SERGEF: variants seen among roughly 807,000 people sequenced by gnomAD.
SERGEF encodes the protein secretion regulating guanine nucleotide exchange factor, also known as secretion-regulating guanine nucleotide exchange factor.
SERGEF carries 51 observed loss-of-function variants against 50.0 expected under a neutral mutation model. The ratio of observed to expected loss-of-function variants is 1.02; its 90% CI spans 0.81 to 1.29. The LOEUF (loss-of-function observed/expected upper bound fraction) is 1.29, where lower values mean the gene tolerates loss of function less well. SERGEF is among the 50% of genes most tolerant of loss of function. The pLI is 0.00. For synonymous variants in SERGEF, 205 were observed against 212.4 expected, an observed-to-expected ratio of 0.97 and a Z score of 0.30; for missense variants, 521 against 557.0, an observed-to-expected ratio of 0.94 and a Z score of 0.65.
intron 9 of SERGEF, among the ~76,000 whole-genome samples, chr11:17,924,604 G>A (rs1852216090): frequency 6.7e-6 from 1 of 149,678 alleles, no homozygotes; most frequent in Non-Finnish European, 1.5e-5. Flanking sequence ...AGTGTGGAGG[G>A]TAGAAAAAAG....
At chr11:17,863,964 C>T (rs1174584020) in intron 10 of SERGEF, among the ~76,000 whole-genome samples, 1 of 152,184 alleles carries the variant, frequency 6.6e-6, no homozygotes, top group East Asian at 1.9e-4. Flanking sequence ...ATTGTCTAGT[C>T]CAGCTCCCAC....
At position 17,959,570 on chromosome 11, in the gene SERGEF, T is replaced by C. The variant is rs553951323; in HGVS notation, c.911A>G (p.Tyr304Cys). The change falls in exon 9 of 11, where the codon TAT (tyrosine) becomes TGT (cysteine). Residue 304 changes from tyrosine to cysteine, a missense_variant. Transcript: ENST00000265965. ...TTGCTTTTCTAGTTTCCAGCCTTCA[T>C]AAGTCTCCAACTTCCTCCCTAGCTG... ...YGQLGRKLET[Y>C]EGWKLEKQDS... 4 of 1,614,190 alleles carry C rather than the reference T, an allele frequency of 2.5e-6. No homozygotes were observed. The South Asian group carries it at 3.3e-5, about 13-fold the overall frequency.
At chr11:17,851,754 G>T (rs1033153320) in intron 10 of SERGEF, among the ~76,000 whole-genome samples, 7 of 152,198 alleles carry the variant, frequency 4.6e-5, no homozygotes, top group African/African-American at 1.7e-4. Flanking sequence ...CATTATTGCA[G>T]ATTTTTAAGC....
At chr11:17,817,281 C>G (rs1453965651) in intron 10 of SERGEF, among the ~76,000 whole-genome samples, 1 of 148,548 alleles carries the variant, frequency 6.7e-6, no homozygotes, top group African/African-American at 2.5e-5. Context: ...GTGGCGCGAT[C>G]TTGGCTCACT....
chr11:17,958,158 G>C (rs373951764), intron 9 of SERGEF, among the ~76,000 whole-genome samples: 1 of 152,222 alleles, frequency 6.6e-6, no homozygotes, highest in African/African-American at 2.4e-5. Flanking sequence ...ACCAGGGCTG[G>C]GATGTTAAAG....
chr11:17,955,046 T>C (rs1852838486), intron 9 of SERGEF, among the ~76,000 whole-genome samples: 1 of 152,230 alleles, frequency 6.6e-6, no homozygotes, highest in Non-Finnish European at 1.5e-5. Flanking sequence ...AAAACTAGGT[T>C]CAGCCACTAG....
intron 10 of SERGEF, among the ~76,000 whole-genome samples, chr11:17,838,184 T>G (rs895455881): frequency 2.6e-5 from 4 of 152,090 alleles, no homozygotes; most frequent in African/African-American, 7.2e-5. Flanking sequence ...TAGAGAAAGC[T>G]AGGAAAGAAG....
At chr11:17,967,044 C>T (rs1403696686) in intron 8 of SERGEF, among the ~76,000 whole-genome samples, 1 of 152,206 alleles carries the variant, frequency 6.6e-6, no homozygotes, top group African/African-American at 2.4e-5. Context: ...ATAATAATTG[C>T]TAATATTTTG....
At chr11:17,805,650 C>T (rs1849746417) in intron 10 of SERGEF, among the ~76,000 whole-genome samples, 1 of 152,190 alleles carries the variant, frequency 6.6e-6, no homozygotes, top group South Asian at 2.1e-4. Flanking sequence ...TATTCTTTAC[C>T]TCATTGGGAT....
chr11:18,011,389 T>A (rs1854192829), intron 1 of SERGEF, among the ~76,000 whole-genome samples: 1 of 152,136 alleles, frequency 6.6e-6, no homozygotes, highest in South Asian at 2.1e-4. Context: ...AAAGGCCATG[T>A]GAGGACACAG....
intron 4 of SERGEF, among the ~76,000 whole-genome samples, chr11:18,002,468 A>G (rs947959192): frequency 2.6e-5 from 4 of 152,018 alleles, no homozygotes; most frequent in African/African-American, 7.3e-5. Context: ...CGATATCCCA[A>G]ACTCTCCTGT....
At chr11:17,847,041 C>A (rs1024049152) in intron 10 of SERGEF, among the ~76,000 whole-genome samples, 1 of 152,192 alleles carries the variant, frequency 6.6e-6, no homozygotes, top group East Asian at 1.9e-4. Flanking sequence ...ACTGGCTGTG[C>A]GAGAAGTGAG....
intron 9 of SERGEF, among the ~76,000 whole-genome samples, chr11:17,936,428 T>A (rs1287522670): frequency 2.0e-5 from 3 of 152,236 alleles, no homozygotes; most frequent in Admixed American, 6.5e-5. Context: ...TCAGTAGTCA[T>A]ATCAGCATTA....
At chr11:17,975,578 GC>G (rs1169369005) in intron 8 of SERGEF, among the ~76,000 whole-genome samples, 2 of 152,128 alleles carry the variant, frequency 1.3e-5, no homozygotes, top group African/African-American at 4.8e-5. Context: ...AATCACCTGA[GC>G]CCCTGAAAGG....
At chr11:17,890,291 G>T (rs902633887) in intron 9 of SERGEF, among the ~76,000 whole-genome samples, 1 of 152,158 alleles carries the variant, frequency 6.6e-6, no homozygotes, top group African/African-American at 2.4e-5. Flanking sequence ...GATAATGGGA[G>T]CCAGGTTTCT....
chr11:17,911,011 G>A (rs1236677076), intron 9 of SERGEF, among the ~76,000 whole-genome samples: 1 of 152,182 alleles, frequency 6.6e-6, no homozygotes, highest in Non-Finnish European at 1.5e-5. Context: ...CTTCAAGACT[G>A]TGGCAACATT....
intron 9 of SERGEF, among the ~76,000 whole-genome samples, chr11:17,941,925 T>C (rs1342658681): frequency 1.3e-5 from 2 of 152,196 alleles, no homozygotes; most frequent in Admixed American, 6.5e-5. Flanking sequence ...CATTTGTATA[T>C]TATCTTTAGA....
chr11:17,850,361 G>GATA (rs1453258566), intron 10 of SERGEF, among the ~76,000 whole-genome samples: 1 of 152,116 alleles, frequency 6.6e-6, no homozygotes, highest in Non-Finnish European at 1.5e-5. Context: ...ACAACATGGG[G>GATA]ATAATCATCT....
chr11:17,929,219 A>G (rs1019362868), intron 9 of SERGEF, among the ~76,000 whole-genome samples: 2 of 152,186 alleles, frequency 1.3e-5, no homozygotes, highest in South Asian at 2.1e-4. Context: ...GTCATCTCTC[A>G]TGCCCCCAAG....
Sources: gnomAD v4.1 joint callset for allele counts (sites outside exome capture counted in the v4.1 genomes callset) on GRCh38, gnomAD v4.1.1 for gene constraint, MANE v1.5 for transcripts, NCBI Gene and HGNC (gene_info 2026-07-23, HGNC 2026-07-21) for gene names.